Variants in PRDM15 observed in about 807,000 individuals in gnomAD.
PRDM15 encodes the protein PR/SET domain 15, also known as PR domain zinc finger protein 15.
PRDM15 carries 64 observed loss-of-function variants against 128.6 expected under a neutral mutation model. The observed-to-expected ratio is 0.50, with a 90% CI of 0.41 to 0.61. The LOEUF is 0.61. Among genes scored for constraint, PRDM15 ranks in the 20% least tolerant of loss-of-function variants. The pLI, the probability that PRDM15 is intolerant of heterozygous loss-of-function variation, is 0.00. For missense variants in PRDM15, 1,242 were observed against 1,569.1 expected (o/e 0.79, Z 3.52); for synonymous variants, 615 against 621.8 (o/e 0.99, Z 0.16).
At chr21:41,874,525 A>ATTTTTTT (rs61045274) in intron 1 of PRDM15, among the ~76,000 whole-genome samples, 1,722 of 95,694 alleles carry the variant, frequency 0.018, 32 homozygotes, top group East Asian at 0.026. Flanking sequence ...ATATATATAT[A>ATTTTTTT]TTTTTTTTTT....
At chr21:41,864,801 G>T (rs73906113) in intron 1 of PRDM15, among the ~76,000 whole-genome samples, 14,523 of 152,028 alleles carry the variant, frequency 0.096, 882 homozygotes, top group Non-Finnish European at 0.14. Context: ...AGCTTCACTG[G>T]CTTCCCACTG....
intron 12 of PRDM15, among the ~76,000 whole-genome samples, chr21:41,826,992 T>C (rs756670296): frequency 3.9e-5 from 6 of 152,232 alleles, no homozygotes; most frequent in Non-Finnish European, 7.3e-5. Context: ...GCGCTTGCCA[T>C]GTGCGGGGTC....
In PRDM15 at chr21:41,823,101, G is replaced by A. The variant is rs866532851; in HGVS notation, c.1761+217C>T. On this transcript the variant is annotated intron_variant, in intron 14 of 23. Transcript: ENST00000398548. The stretch of plus-strand genomic sequence containing the variant: ...GATCCCTACCCTTCTACCATGTGAG[G>A]ACACAGTGAGAAGGCGCCGTCTACG... 6.8e-5 allele frequency: 42 copies of A among 613,294 alleles called. No homozygotes were observed. The Middle Eastern group carries it at 1.1e-3, about 16-fold the overall frequency. The allele number at this position is 613,294 out of a possible 1,614,324, so 38.0% of individuals were successfully genotyped here.
At position 41,836,481 on chromosome 21, in the gene PRDM15, G is replaced by T; in HGVS notation, c.1170C>A (p.His390Gln). 1 of 1,610,962 alleles carries T rather than the reference G, an allele frequency of 6.2e-7. No homozygotes were observed. Among genetic ancestry groups the T allele is most frequent in the Non-Finnish European group, 8.5e-7 (1 of 1,178,998 alleles). ...TCGCGGACTCACCATGCGAGCGCACGTGCCTGCTCAGGTTGCTGCTGTTCT... is the reference window on the plus strand; with the variant it reads ...TCGCGGACTCACCATGCGAGCGCACTTGCCTGCTCAGGTTGCTGCTGTTCT... ...IFQNSSNLSRHVRSHGDKLFK... is the reference protein window; with the variant it reads ...IFQNSSNLSRQVRSHGDKLFK... The change falls in exon 9 of 24, where the codon CAC becomes CAA. Residue 390 changes from histidine (H) to glutamine (Q), a missense_variant. Coordinates refer to ENST00000398548, the MANE Select transcript of PRDM15 (RefSeq NM_001040424.3).
At position 41,854,481 on chromosome 21, in the gene PRDM15, T is replaced by G; in HGVS notation, c.538+85A>C. 1 of 1,527,220 alleles carries G rather than the reference T, an allele frequency of 6.5e-7. No homozygotes were observed. The highest frequency in any genetic ancestry group is 1.4e-5 in the African/African-American group (1 of 73,540). The allele number at this position is 1,527,220 out of a possible 1,614,324, so 94.6% of individuals were successfully genotyped here. ...CCCAGCCCAACCCATCTCATCAGTG[T>G]GGGGTCAGCACAGAGCCAAGGGACC... On this transcript the variant is annotated intron_variant, in intron 5 of 23. Coordinates refer to ENST00000398548, the MANE Select transcript of PRDM15 (RefSeq NM_001040424.3). This position sits in a 1 kb window ranked among gnomAD's most constrained non-coding sequence, Gnocchi z 4.6.
At position 41,835,425 on chromosome 21, in the gene PRDM15, C is replaced by G; in HGVS notation, c.1366+12G>C. 6.2e-7 allele frequency: 1 copy of G among 1,601,884 alleles called. No individual in the cohort carries two copies. The highest frequency in any genetic ancestry group is 8.5e-7 in the Non-Finnish European group (1 of 1,175,540). ...CACAGCGGCCGAGGGGAGACGTGAC[C>G]GGCGCCCTCACCTGTCCTGCAGTTG... On this transcript the variant is annotated intron_variant, in intron 11 of 23. Coordinates refer to ENST00000398548, the MANE Select transcript of PRDM15 (RefSeq NM_001040424.3).
chr21:41,801,416 G>T lies in PRDM15; in HGVS notation c.3250C>A (p.Leu1084Met). 1.9e-6 allele frequency: 3 copies of T among 1,614,092 alleles called. No individual in the cohort carries two copies. Among genetic ancestry groups the T allele is most frequent in the South Asian group, 1.1e-5 (1 of 91,074 alleles). Residue 1084 changes from leucine to methionine, a missense_variant, in exon 24 of 24, where the codon CTG (leucine) becomes ATG (methionine). By Grantham distance (15) the Leu-to-Met change is conservative. Coordinates refer to ENST00000398548, the MANE Select transcript of PRDM15 (RefSeq NM_001040424.3). ...SVAHFINLTTLVNSITPLGSQ... is the reference protein window; with the variant it reads ...SVAHFINLTTMVNSITPLGSQ... ...CCCAGGGGCGTGATGGAGTTGACCA[G>T]GGTCGTCAGGTTGATGAAATGGGCC... is the stretch of plus-strand genomic sequence containing the variant.
rs1013871782 is a variant in PRDM15 at position 41,854,899 on chromosome 21, T to C, written c.286-81A>G. On this transcript the variant is annotated intron_variant, in intron 4 of 23. Transcript: ENST00000398548. This position sits in a 1 kb window ranked among gnomAD's most constrained non-coding sequence, Gnocchi z 4.6. Reference sequence around the variant, plus strand: ...GTATCAGCGTGTGGGGGGCAGGTGCTGAGGAACCCATCTAGACAGTGCCAC... The same window carrying C: ...GTATCAGCGTGTGGGGGGCAGGTGCCGAGGAACCCATCTAGACAGTGCCAC... 8 of 1,496,298 alleles carry C rather than the reference T, an allele frequency of 5.3e-6. No homozygotes were observed. In the African/African-American group the frequency reaches 1.1e-4, roughly 21 times the overall value. The allele number at this position is 1,496,298 out of a possible 1,614,324, so 92.7% of individuals were successfully genotyped here.
rs79279484 is a variant in PRDM15 at position 41,848,761 on chromosome 21, G to A, written c.539-1570C>T. Reference sequence around the variant, plus strand: ...AAGTGTGGGTTCTCCTCAACTTGGCGCTCTGCTGCTAGGTAAAGAGGACTA... The same window carrying A: ...AAGTGTGGGTTCTCCTCAACTTGGCACTCTGCTGCTAGGTAAAGAGGACTA... On this transcript the variant is annotated intron_variant, in intron 5 of 23. Transcript: ENST00000398548. Among the ~76,000 whole-genome samples the A allele has an allele frequency of 1.5e-3, 224 of 152,328 alleles. No homozygotes were observed. In the East Asian group the frequency reaches 0.024, roughly 16 times the overall value.
At chr21:41,823,651 A>C (rs77296295) in intron 13 of PRDM15, among the ~76,000 whole-genome samples, 5,592 of 152,358 alleles carry the variant, frequency 0.037, 149 homozygotes, top group Middle Eastern at 0.12. Flanking sequence ...TGAATTGTGT[A>C]AACAGGTGCT....
intron 8 of PRDM15, among the ~76,000 whole-genome samples, chr21:41,837,662 A>G (rs1418743943): frequency 6.6e-6 from 1 of 152,188 alleles, no homozygotes; most frequent in Non-Finnish European, 1.5e-5. Context: ...TAAATTGTGC[A>G]CTTAAACATG....
chr21:41,839,099 G>T (rs1601320033), intron 7 of PRDM15, among the ~76,000 whole-genome samples: 2 of 152,210 alleles, frequency 1.3e-5, no homozygotes, highest in African/African-American at 4.8e-5. Context: ...AAACCCAACT[G>T]AGGATACTGC....
At position 41,802,775 on chromosome 21, in the gene PRDM15, TTTC is replaced by T; in HGVS notation, c.2877_2879del (p.Lys960del). On this transcript the variant is annotated inframe_deletion, in exon 23 of 24. Coordinates refer to ENST00000398548, the MANE Select transcript of PRDM15 (RefSeq NM_001040424.3). Reference sequence around the variant, plus strand: ...CTACACTGCCTGTGAACTCCGTCTCTTTCTCTGAGTATTCGCTGAAGGTGGCGT... The same window carrying T: ...CTACACTGCCTGTGAACTCCGTCTCTTCTGAGTATTCGCTGAAGGTGGCGT... 1 of 1,614,226 alleles carries T rather than the reference TTTC, an allele frequency of 6.2e-7. No homozygotes were observed. The highest frequency in any genetic ancestry group is 8.5e-7 in the Non-Finnish European group (1 of 1,180,030).
chr21:41,843,291 G>A (rs189205511), intron 6 of PRDM15, among the ~76,000 whole-genome samples: 5 of 152,208 alleles, frequency 3.3e-5, no homozygotes, highest in East Asian at 1.9e-4. Flanking sequence ...GTTAATGCTC[G>A]ATTTCTTTTC....
rs77051336 is a variant in PRDM15, at chr21:41,832,653, A to G, written c.1366+2784T>C. On this transcript the variant is annotated intron_variant, in intron 11 of 23. Transcript: ENST00000398548. The surrounding 1 kb of genome is among the most constrained non-coding windows in gnomAD (Gnocchi z 4.2). Reference sequence around the variant, plus strand: ...AGCCTCCCTCCCGGGCAGGTGCTAAAGAGCACAGGTGAGCCTCCTTCCCAG... The same window carrying G: ...AGCCTCCCTCCCGGGCAGGTGCTAAGGAGCACAGGTGAGCCTCCTTCCCAG... 0.022 allele frequency among the ~76,000 whole-genome samples: 3,346 copies of G among 152,084 alleles called. 117 individuals carry two copies. The highest frequency in any genetic ancestry group is 0.076 in the African/African-American group (3,156 of 41,462).
Position 41,871,470 on chromosome 21 carries a change from C to G in PRDM15, c.-10+7800G>C. Reference sequence around the variant, plus strand: ...TGTCCCTGTCTGGGCCCATATCCTTCCTCCCCTACTGGAGTGAGCCCACCA... The same window carrying G: ...TGTCCCTGTCTGGGCCCATATCCTTGCTCCCCTACTGGAGTGAGCCCACCA... On this transcript the variant is annotated intron_variant, in intron 1 of 23. Coordinates refer to ENST00000398548, the MANE Select transcript of PRDM15 (RefSeq NM_001040424.3). The G allele has an allele frequency of 1.3e-6, 2 of 1,557,688 alleles. 1 individual carries two copies. The highest frequency in any genetic ancestry group is 2.4e-5 in the South Asian group (2 of 84,750).
rs1161002451 is a variant in PRDM15 at position 41,823,358 on chromosome 21, C to T, written c.1721G>A (p.Arg574His). ...GATGTGGTCCCTGAGCACATCCACG[C>T]GGAAGAACTTGCGCCCGCAGATCTC... The part of the protein sequence containing the change: ...TCEICGRKFF[R>H]VDVLRDHIHV... Residue 574 changes from arginine (R) to histidine (H), a missense_variant, in exon 14 of 24, where the codon CGC (arginine) becomes CAC (histidine). Transcript: ENST00000398548. 3.1e-6 allele frequency: 5 copies of T among 1,602,454 alleles called. No individual in the cohort carries two copies. Among genetic ancestry groups the T allele is most frequent in the Admixed American group, 1.7e-5 (1 of 58,708 alleles).
chr21:41,809,458 CTT>C (rs1467367965), intron 21 of PRDM15, among the ~76,000 whole-genome samples: 2 of 152,124 alleles, frequency 1.3e-5, no homozygotes, highest in Admixed American at 6.5e-5. Flanking sequence ...GTCTCAAACT[CTT>C]AACCTCGTGA....
chr21:41,829,935 CCAAT>C (rs1381013314), intron 11 of PRDM15, among the ~76,000 whole-genome samples: 62,389 of 150,952 alleles, frequency 0.41, 13,027 homozygotes, highest in East Asian at 0.57. Flanking sequence ...CCCCAAATAC[CCAAT>C]CACATACTAC....
Sources: allele counts gnomAD v4.1 joint callset (sites outside exome capture counted in the v4.1 genomes callset), GRCh38; gene constraint gnomAD v4.1.1; non-coding constraint Gnocchi (gnomAD v3.1); transcripts MANE v1.5; gene names NCBI Gene and HGNC (gene_info 2026-07-23, HGNC 2026-07-21).